The following CYLC1 variants were observed in gnomAD, a reference collection of about 807,000 sequenced individuals.
The protein encoded by CYLC1 is cylicin 1, also known as cylicin-1.
In CYLC1, 2 loss-of-function variants were observed where a neutral mutation model predicts 31.6. The observed-to-expected ratio is 0.06, with a 90% CI of 0.03 to 0.20. CYLC1 has a LOEUF of 0.20. Among genes scored for constraint, CYLC1 ranks in the 10% least tolerant of loss-of-function variants. CYLC1 has a pLI of 1.00. For synonymous variants in CYLC1, 185 were observed against 153.0 expected (o/e 1.21, Z -1.54); for missense variants, 595 against 424.1 (o/e 1.40, Z -3.54).
At chrX:83,862,944 T>C (rs1430793748) in intron 1 of CYLC1, among the ~76,000 whole-genome samples, 1 of 111,790 alleles carries the variant, frequency 8.9e-6, no homozygotes, top group Non-Finnish European at 1.9e-5. Context: ...TATTCCTCAA[T>C]GCTATTTCCA....
chrX:83,865,600 C>T (rs1473390227), intron 1 of CYLC1, among the ~76,000 whole-genome samples: 3 of 111,595 alleles, frequency 2.7e-5, no homozygotes, highest in Non-Finnish European at 5.7e-5. Context: ...GAGCTAAAAT[C>T]AAGTTATTGG....
At chrX:83,878,990 C>G (rs1225404602) in intron 4 of CYLC1, among the ~76,000 whole-genome samples, 1 of 108,703 alleles carries the variant, frequency 9.2e-6, no homozygotes, top group African/African-American at 3.4e-5. Context: ...AGGGTCAGCA[C>G]TGTTTACACT....
At chrX:83,861,247 G>T in intron 1 of CYLC1, 48 bp downstream of exon 1, 1 of 921,944 alleles carries the variant, frequency 1.1e-6, no homozygotes, top group Non-Finnish European at 1.5e-6. Context: ...TAGCCAATAT[G>T]CTCAATTTAG....
Position 83,873,404 on chromosome X carries a change from T to C in CYLC1, c.696T>C (p.Asp232=). 8.3e-7 allele frequency: 1 copy of C among 1,204,740 alleles called. No individual in the cohort carries two copies. Among genetic ancestry groups the C allele is most frequent in the Non-Finnish European group, 1.1e-6 (1 of 891,802 alleles). ...TGAAGAGGTCAAAGACTAGTAATGA[T>C]CCCATATCAGAGATTTGCTCAGAAA... ...KDLKRSKTSN[D]PISEICSENS... Residue 232 remains aspartate, a synonymous_variant, in exon 4 of 5, where the codon GAT becomes GAC. Coordinates refer to ENST00000329312, the MANE Select transcript of CYLC1 (RefSeq NM_021118.3).
At chrX:83,864,058 A>G (rs1164729827) in intron 1 of CYLC1, among the ~76,000 whole-genome samples, 1 of 111,190 alleles carries the variant, frequency 9.0e-6, no homozygotes, top group Non-Finnish European at 1.9e-5. Context: ...CGTTTTGTCT[A>G]TGTCTGTTTC....
chrX:83,873,468 T>A lies in CYLC1; in HGVS notation c.760T>A (p.Ser254Thr). The A allele has an allele frequency of 1.7e-6, 2 of 1,195,028 alleles. No homozygotes were observed. The highest frequency in any genetic ancestry group is 2.3e-6 in the Non-Finnish European group (2 of 885,449). ...NVDFLMLVGQ[S>T]DDESINFDAW... The stretch of plus-strand genomic sequence containing the variant: ...TGATTTCCTCATGTTAGTGGGACAG[T>A]CTGATGATGAATCCATAAATTTTGA... The change falls in exon 4 of 5, where the codon TCT becomes ACT. Residue 254 changes from serine to threonine, a missense_variant. Coordinates refer to ENST00000329312, the MANE Select transcript of CYLC1 (RefSeq NM_021118.3).
intron 1 of CYLC1, among the ~76,000 whole-genome samples, chrX:83,865,282 G>T (rs759377255): frequency 9.1e-6 from 1 of 109,890 alleles, no homozygotes; most frequent in Admixed American, 9.8e-5. Flanking sequence ...ACACACACAC[G>T]CACCAACATA....
intron 4 of CYLC1, among the ~76,000 whole-genome samples, chrX:83,877,481 T>C (rs2031784334): frequency 9.0e-6 from 1 of 110,622 alleles, no homozygotes; most frequent in South Asian, 3.8e-4. Context: ...TTCACCATAA[T>C]CATGTAGCAC....
rs146040502 is a variant in CYLC1 at position 83,871,087 on chromosome X, G to GAA, written c.59-357_59-356dup. On this transcript the variant is annotated intron_variant, in intron 2 of 4. Coordinates refer to ENST00000329312, the MANE Select transcript of CYLC1 (RefSeq NM_021118.3). ...TGCAATCTAACTAAAGTGACATAAA[G>GAA]AAAAAAAAACAGGATAGACGAGATG... 1.5e-4 allele frequency among the ~76,000 whole-genome samples: 16 copies of GAA among 104,886 alleles called. No individual in the cohort carries two copies. The East Asian group carries it at 2.1e-3, about 14-fold the overall frequency. The allele number at this position is 104,886 out of a possible 115,157, so 91.1% of individuals were successfully genotyped here. A position where few individuals can be genotyped will look rare whatever the true frequency, so the allele number is the denominator to read the frequency against.
intron 4 of CYLC1, among the ~76,000 whole-genome samples, chrX:83,878,450 TA>T: frequency 2.8e-5 from 2 of 70,660 alleles, no homozygotes; most frequent in Non-Finnish European, 4.8e-5. Context: ...TATAAATATA[TA>T]TAAATATATA....
intron 1 of CYLC1, among the ~76,000 whole-genome samples, chrX:83,868,749 G>A (rs1051435062): frequency 1.8e-5 from 2 of 111,040 alleles, no homozygotes; most frequent in East Asian, 5.6e-4. Context: ...AATTAGTTAT[G>A]TTTCTTTGTA....
intron 1 of CYLC1, chrX:83,864,818 G>T: frequency 9.2e-6 from 2 of 217,650 alleles, no homozygotes; most frequent in Non-Finnish European, 1.7e-5. Context: ...TTCTTCTCTT[G>T]GTTATCATGT....
chrX:83,877,674 T>C (rs1439706709), intron 4 of CYLC1, among the ~76,000 whole-genome samples: 1 of 105,987 alleles, frequency 9.4e-6, no homozygotes, highest in Non-Finnish European at 1.9e-5. Flanking sequence ...GTGTTCTCTT[T>C]AGAGAAGCCT....
intron 3 of CYLC1, 36 bp downstream of exon 3, chrX:83,871,606 C>T (rs1256671008): frequency 1.8e-6 from 2 of 1,138,479 alleles, no homozygotes; most frequent in Admixed American, 2.5e-5. Flanking sequence ...AAAACGAAAT[C>T]TAAGTTGGTA....
At chrX:83,877,238 T>C (rs2031776863) in intron 4 of CYLC1, among the ~76,000 whole-genome samples, 1 of 110,926 alleles carries the variant, frequency 9.0e-6, no homozygotes, top group Non-Finnish European at 1.9e-5. Flanking sequence ...GAATCCACTT[T>C]CCTTATCTCC....
At position 83,873,854 on chromosome X, in the gene CYLC1, T is replaced by G. The variant is rs377478889; in HGVS notation, c.1146T>G (p.Asn382Lys). The change falls in exon 4 of 5, where the codon AAT becomes AAG. Residue 382 changes from asparagine (N) to lysine (K), a missense_variant. By Grantham distance (94) the Asn-to-Lys change is moderately conservative. Coordinates refer to ENST00000329312, the MANE Select transcript of CYLC1 (RefSeq NM_021118.3). ...CAGGAGATGCAAAGGATGCAAGAAA[T>G]GATTCAAGAAATTTGAAGAAAGCTT... Reference protein sequence around the residue: ...TESGDAKDARNDSRNLKKASK... With the variant: ...TESGDAKDARKDSRNLKKASK... 6.0e-5 allele frequency: 72 copies of G among 1,193,113 alleles called. No homozygotes were observed. The highest frequency in any genetic ancestry group is 8.1e-5 in the Non-Finnish European group (72 of 883,866).
chrX:83,874,500 G>C lies in CYLC1; in HGVS notation c.1792G>C (p.Gly598Arg). The change falls in exon 4 of 5, where the codon GGT becomes CGT. Residue 598 changes from glycine to arginine, a missense_variant. Physicochemically the swap from Gly to Arg is moderately radical, Grantham distance 125. Coordinates refer to ENST00000329312, the MANE Select transcript of CYLC1 (RefSeq NM_021118.3). ...TGAAAAAGGGGAAAAAGCAAGTACA[G>C]GTAGAGTTCCTCCATCAAGAGAAAA... ...FNEKGEKAST[G>R]RVPPSREKPP... 3 of 1,209,906 alleles carry C rather than the reference G, an allele frequency of 2.5e-6. No individual in the cohort carries two copies. The highest frequency in any genetic ancestry group is 2.2e-6 in the Non-Finnish European group (2 of 894,676).
At chrX:83,866,524 C>A (rs62612880) in intron 1 of CYLC1, among the ~76,000 whole-genome samples, 2,536 of 110,880 alleles carry the variant, frequency 0.023, 35 homozygotes, top group Non-Finnish European at 0.035. Context: ...TTCATCCTTC[C>A]TCTCTCTGTC....
chrX:83,867,595 T>A (rs1030542583), intron 1 of CYLC1, among the ~76,000 whole-genome samples: 8 of 111,591 alleles, frequency 7.2e-5, no homozygotes. Flanking sequence ...TTTGCCATTT[T>A]TAGCTTCCAG....
Sources: allele counts gnomAD v4.1 joint callset (sites outside exome capture counted in the v4.1 genomes callset), GRCh38; gene constraint gnomAD v4.1.1; transcripts MANE v1.5; gene names NCBI Gene and HGNC (gene_info 2026-07-23, HGNC 2026-07-21).